CLDN14: variants seen among roughly 807,000 people sequenced by gnomAD.
CLDN14 encodes the protein claudin-14.
Under a neutral mutation model 2.1 loss-of-function variants are expected in CLDN14, and 2 were observed. The ratio of observed to expected loss-of-function variants is 0.96; its 90% CI spans 0.39 to 3.01. The LOEUF (loss-of-function observed/expected upper bound fraction) is 3.01, where lower values mean the gene tolerates loss of function less well. Ranked by LOEUF, CLDN14 falls within the 30% of genes most tolerant of loss-of-function variation. CLDN14 has a pLI of 0.09. For synonymous variants in CLDN14, 136 were observed against 154.4 expected, an observed-to-expected ratio of 0.88 and a Z score of 0.88; for missense variants, 298 against 328.0, an observed-to-expected ratio of 0.91 and a Z score of 0.71.
intron 1 of CLDN14, among the ~76,000 whole-genome samples, chr21:36,532,695 G>A (rs2087391007): frequency 6.6e-6 from 1 of 152,190 alleles, no homozygotes; most frequent in Non-Finnish European, 1.5e-5. Flanking sequence ...GTTTGGTGGG[G>A]TTGAACGCCA....
At chr21:36,509,836 C>T (rs193255591) in intron 2 of CLDN14, among the ~76,000 whole-genome samples, 4 of 152,204 alleles carry the variant, frequency 2.6e-5, no homozygotes, top group Admixed American at 6.5e-5. Context: ...CCTCGTAATC[C>T]GCCCACCTCA....
chr21:36,515,789 C>CTTTTT (rs1555850517), intron 1 of CLDN14, among the ~76,000 whole-genome samples: 3 of 115,314 alleles, frequency 2.6e-5, no homozygotes, highest in African/African-American at 1.1e-4. Flanking sequence ...TTTATCTTCT[C>CTTTTT]TTTTTTTTTT....
intron 2 of CLDN14, chr21:36,486,247 A>T (rs1417091044): frequency 1.2e-6 from 1 of 837,340 alleles, no homozygotes; most frequent in Admixed American, 1.8e-5. Context: ...CATCTTCATG[A>T]CATAAGCAAT....
At chr21:36,475,084 G>GC (rs776886704) in intron 1 of CLDN14, among the ~76,000 whole-genome samples, 9 of 152,186 alleles carry the variant, frequency 5.9e-5, no homozygotes, top group Non-Finnish European at 1.2e-4. Flanking sequence ...GCTAGTCAGT[G>GC]CCGGGTGCAG....
chr21:36,507,534 T>A (rs886584805), intron 2 of CLDN14, among the ~76,000 whole-genome samples: 6 of 152,092 alleles, frequency 3.9e-5, no homozygotes, highest in African/African-American at 1.4e-4. Context: ...AAGGCCAAGG[T>A]GGGTGGATCA....
At chr21:36,552,550 C>G (rs895626236) in intron 1 of CLDN14, among the ~76,000 whole-genome samples, 1 of 152,190 alleles carries the variant, frequency 6.6e-6, no homozygotes, top group Non-Finnish European at 1.5e-5. Flanking sequence ...CAGTTTGACC[C>G]TCTAGAGATG....
chr21:36,508,499 A>G (rs1476185366), intron 2 of CLDN14, among the ~76,000 whole-genome samples: 1 of 152,200 alleles, frequency 6.6e-6, no homozygotes, highest in Non-Finnish European at 1.5e-5. Context: ...TTAAGCTTAT[A>G]AAGACCCATA....
intron 1 of CLDN14, among the ~76,000 whole-genome samples, chr21:36,470,432 G>GATCGCCAGCAACCCGCGGAGA (rs781700848): frequency 2.0e-5 from 3 of 152,128 alleles, no homozygotes; most frequent in African/African-American, 4.8e-5. Context: ...GAATGTGGAG[G>GATCGCCAGCAACCCGCGGAGA]ATCGCCAGCA....
At chr21:36,574,427 C>A (rs890975709) in intron 1 of CLDN14, among the ~76,000 whole-genome samples, 3 of 152,100 alleles carry the variant, frequency 2.0e-5, no homozygotes, top group Non-Finnish European at 4.4e-5. Context: ...ATCTCAAATA[C>A]AACACAGTAA....
intron 1 of CLDN14, 33 bp from the exon 2 acceptor site, chr21:36,461,809 A>C (rs2086581860): frequency 7.1e-7 from 1 of 1,411,754 alleles, no homozygotes; most frequent in South Asian, 1.3e-5. Context: ...GAGCAGGGAG[A>C]GAAAGGAAAT....
intron 2 of CLDN14, among the ~76,000 whole-genome samples, chr21:36,488,220 C>CCCTTCCCT (rs1555846817): frequency 2.1e-5 from 2 of 97,238 alleles, no homozygotes; most frequent in African/African-American, 4.2e-5. Flanking sequence ...ACTGTGATTC[C>CCCTTCCCT]CCTTCCTTCC....
chr21:36,498,725 C>T lies in CLDN14; in HGVS notation c.-82+11638G>A, dbSNP rs2087063598. On this transcript the variant is annotated intron_variant, in intron 2 of 2. Transcript: ENST00000342108. The surrounding 1 kb of genome is among the most constrained non-coding windows in gnomAD (Gnocchi z 4.9). ...ACAGAAAGGTGGGGGCACCTCTCAG[C>T]TGGCCTTCAGCTCCAATACAGACAC... Among the ~76,000 whole-genome samples the T allele has an allele frequency of 6.6e-6, 1 of 152,186 alleles. No homozygotes were observed. The highest frequency in any genetic ancestry group is 1.5e-5 in the Non-Finnish European group (1 of 68,040).
In CLDN14 at chr21:36,498,343, A is replaced by G. The variant is rs533336036; in HGVS notation, c.-82+12020T>C. Among the ~76,000 whole-genome samples, 1 of 152,288 alleles carries G rather than the reference A, an allele frequency of 6.6e-6. No homozygotes were observed. The highest frequency in any genetic ancestry group is 1.9e-4 in the East Asian group (1 of 5,190). ...AGCCGGGACAATTGTGAGTGGAAAGAGAAGAAAAAAAGTAAAATAATAATA... is the reference window on the plus strand; with the variant it reads ...AGCCGGGACAATTGTGAGTGGAAAGGGAAGAAAAAAAGTAAAATAATAATA... On this transcript the variant is annotated intron_variant, in intron 2 of 2. Coordinates refer to the CLDN14 transcript ENST00000342108. This position sits in a 1 kb window ranked among gnomAD's most constrained non-coding sequence, Gnocchi z 4.9.
At chr21:36,570,829 A>G (rs2087704480) in intron 1 of CLDN14, among the ~76,000 whole-genome samples, 2 of 152,130 alleles carry the variant, frequency 1.3e-5, no homozygotes, top group South Asian at 2.1e-4. Flanking sequence ...GAAAACTTCT[A>G]AAAGAATACA....
At position 36,558,762 on chromosome 21, in the gene CLDN14, GT is replaced by G. The variant is rs35231431; in HGVS notation, c.-220+17648del. Among the ~76,000 whole-genome samples the G allele has an allele frequency of 2.1e-3, 317 of 148,098 alleles. 4 individuals are homozygous for G. Among genetic ancestry groups the G allele is most frequent in the East Asian group, 0.013 (64 of 5,092 alleles). On this transcript the variant is annotated intron_variant, in intron 1 of 2. Coordinates refer to the CLDN14 transcript ENST00000342108. ...CATTTATTACTTCTAACAAGGTGGG[GT>G]TTTTTTTTTGTGGAATTGTGAGGGT... is the stretch of plus-strand genomic sequence containing the variant.
chr21:36,504,428 G>A (rs143596976), intron 2 of CLDN14, among the ~76,000 whole-genome samples: 132 of 152,192 alleles, frequency 8.7e-4, no homozygotes, highest in African/African-American at 2.9e-3. Flanking sequence ...ACTAGATGCC[G>A]CTGTGACCTG....
At chr21:36,515,791 T>TTTTTTTC (rs1568866022) in intron 1 of CLDN14, among the ~76,000 whole-genome samples, 1 of 15,354 alleles carries the variant, frequency 6.5e-5, no homozygotes, top group East Asian at 7.7e-4. Context: ...TATCTTCTCT[T>TTTTTTTC]TTTTTTTTTT....
At chr21:36,513,320 G>C (rs1256656688) in intron 1 of CLDN14, among the ~76,000 whole-genome samples, 2 of 152,212 alleles carry the variant, frequency 1.3e-5, no homozygotes, top group African/African-American at 2.4e-5. Flanking sequence ...TGTGATGACT[G>C]GCAATGCGGC....
At chr21:36,475,063 A>G (rs551068586) in intron 1 of CLDN14, among the ~76,000 whole-genome samples, 1 of 152,302 alleles carries the variant, frequency 6.6e-6, no homozygotes, top group South Asian at 2.1e-4. Flanking sequence ...GACCAAGTCA[A>G]GGGGTCAAGT....
Sources: gnomAD v4.1 joint callset for allele counts (sites outside exome capture counted in the v4.1 genomes callset) on GRCh38, gnomAD v4.1.1 for gene constraint, Gnocchi (gnomAD v3.1) non-coding constraint, MANE v1.5 for transcripts, NCBI Gene and HGNC (gene_info 2026-07-23, HGNC 2026-07-21) for gene names.